CNBD1: variants seen among roughly 807,000 people sequenced by gnomAD.
The protein encoded by CNBD1 is cyclic nucleotide binding domain containing 1, also known as cyclic nucleotide-binding domain-containing protein 1.
CNBD1 carries 71 observed loss-of-function variants against 54.4 expected under a neutral mutation model. That is an observed-to-expected ratio of 1.30 (90% CI 1.08 to 1.59). CNBD1 has a LOEUF of 1.59. Among genes scored for constraint, CNBD1 ranks in the 40% most tolerant of loss-of-function variants. The pLI, the probability that CNBD1 is intolerant of heterozygous loss-of-function variation, is 0.00. For missense variants in CNBD1, 659 were observed against 518.0 expected (o/e 1.27, Z -2.64); for synonymous variants, 182 against 170.7 (o/e 1.07, Z -0.51).
intron 4 of CNBD1, among the ~76,000 whole-genome samples, chr8:87,061,627 T>C (rs1810550007): frequency 6.6e-6 from 1 of 152,186 alleles, no homozygotes; most frequent in Non-Finnish European, 1.5e-5. Context: ...CATTCTGAGA[T>C]TTGTTTAAGA....
At chr8:87,012,798 G>A (rs917863329) in intron 4 of CNBD1, among the ~76,000 whole-genome samples, 1 of 152,070 alleles carries the variant, frequency 6.6e-6, no homozygotes, top group African/African-American at 2.4e-5. Flanking sequence ...CTATAGCCTG[G>A]AAGCCCCCAC....
In CNBD1 at chr8:87,163,725, T is replaced by G. The variant is rs1019955902; in HGVS notation, c.432-42268T>G. On this transcript the variant is annotated intron_variant, in intron 4 of 10. Transcript: ENST00000518476. This position sits in a 1 kb window ranked among gnomAD's most constrained non-coding sequence, Gnocchi z 4.5. ...AGTTTTTTTGTTGGCGTCTTTAGGG[T>G]TTTTTTTAAATATAAGATTATGTCA... 6.6e-6 allele frequency among the ~76,000 whole-genome samples: 1 copy of G among 151,608 alleles called. No individual in the cohort carries two copies. The highest frequency in any genetic ancestry group is 2.4e-5 in the African/African-American group (1 of 41,330).
chr8:87,007,863 CTG>C (rs1325865348), intron 4 of CNBD1, among the ~76,000 whole-genome samples: 1 of 151,992 alleles, frequency 6.6e-6, no homozygotes, highest in Non-Finnish European at 1.5e-5. Flanking sequence ...GATTGATTTA[CTG>C]TTTTTTGTCC....
At chr8:87,154,896 T>A (rs1354577084) in intron 4 of CNBD1, among the ~76,000 whole-genome samples, 1 of 152,002 alleles carries the variant, frequency 6.6e-6, no homozygotes, top group African/African-American at 2.4e-5. Flanking sequence ...CCAACTTTAC[T>A]CACTCCACGC....
rs1271095281 is a variant in CNBD1 at position 86,917,820 on chromosome 8, G to GA, written c.272+12631dup. Among the ~76,000 whole-genome samples the GA allele has an allele frequency of 7.9e-5, 12 of 151,958 alleles. No homozygotes were observed. In the East Asian group the frequency reaches 2.1e-3, roughly 27 times the overall value. ...CCAACACACACCCAAACCAAGTCCAGAAAAAGATATGAAATTTACAGAAAA... is the reference window on the plus strand; with the variant it reads ...CCAACACACACCCAAACCAAGTCCAGAAAAAAGATATGAAATTTACAGAAAA... On this transcript the variant is annotated intron_variant, in intron 3 of 10. Coordinates refer to ENST00000518476, the MANE Select transcript of CNBD1 (RefSeq NM_173538.3).
intron 5 of CNBD1, among the ~76,000 whole-genome samples, chr8:87,207,374 G>A (rs1308423825): frequency 6.6e-6 from 1 of 151,828 alleles, no homozygotes. Context: ...TATTGATATG[G>A]AAACATTAAA....
At chr8:86,955,359 G>A (rs1434599170) in intron 4 of CNBD1, among the ~76,000 whole-genome samples, 1 of 152,136 alleles carries the variant, frequency 6.6e-6, no homozygotes, top group African/African-American at 2.4e-5. Context: ...GTAATGGGAT[G>A]CCTGGGTCAA....
At chr8:87,208,125 A>G (rs568337319) in intron 5 of CNBD1, among the ~76,000 whole-genome samples, 3 of 152,132 alleles carry the variant, frequency 2.0e-5, no homozygotes, top group Non-Finnish European at 2.9e-5. Context: ...CTGACTTTCA[A>G]TCTGCTGCTG....
chr8:87,346,302 A>T (rs1459758506), intron 8 of CNBD1, among the ~76,000 whole-genome samples: 2 of 152,180 alleles, frequency 1.3e-5, no homozygotes, highest in Non-Finnish European at 2.9e-5. Flanking sequence ...TCAGCCTCCC[A>T]AAGTGCTGGT....
chr8:87,236,439 C>T (rs1807585793), intron 5 of CNBD1, among the ~76,000 whole-genome samples: 1 of 151,910 alleles, frequency 6.6e-6, no homozygotes, highest in Admixed American at 6.6e-5. Flanking sequence ...CAAACTGTCT[C>T]CATTATTAAG....
chr8:87,147,704 A>AT (rs962866913), intron 4 of CNBD1, among the ~76,000 whole-genome samples: 2 of 152,112 alleles, frequency 1.3e-5, no homozygotes, highest in African/African-American at 2.4e-5. Context: ...GATTTAGCCT[A>AT]TTTTTTTAGT....
At chr8:87,428,154 GAA>G (rs112391540) in intron 2 of CNBD1, among the ~76,000 whole-genome samples, 1 of 138,718 alleles carries the variant, frequency 7.2e-6, no homozygotes, top group African/African-American at 2.6e-5. Context: ...GGCAAAAAAA[GAA>G]AAAAAAAAAG....
chr8:87,379,985 C>T (rs1206699856), intron 10 of CNBD1, among the ~76,000 whole-genome samples: 6 of 148,458 alleles, frequency 4.0e-5, no homozygotes, highest in Non-Finnish European at 7.4e-5. Context: ...TAGATTATGA[C>T]AAAAATTTCA....
In CNBD1 at chr8:86,927,190, G is replaced by A. The variant is rs543523401; in HGVS notation, c.273-12406G>A. 7.9e-5 allele frequency among the ~76,000 whole-genome samples: 12 copies of A among 152,264 alleles called. No homozygotes were observed. In the East Asian group the frequency reaches 2.3e-3, roughly 29 times the overall value. On this transcript the variant is annotated intron_variant, in intron 3 of 10. Transcript: ENST00000518476. Reference sequence around the variant, plus strand: ...TAGCTCTGGTGAGCAGCTGGAAAGGGGTGTTGGGAGCAAACTGAGTGGCTC... The same window carrying A: ...TAGCTCTGGTGAGCAGCTGGAAAGGAGTGTTGGGAGCAAACTGAGTGGCTC...
chr8:86,975,348 AC>A (rs1808317193), intron 4 of CNBD1, among the ~76,000 whole-genome samples: 1 of 151,958 alleles, frequency 6.6e-6, no homozygotes, highest in South Asian at 2.1e-4. Flanking sequence ...GAAATTTTGT[AC>A]CCTTTGATCA....
chr8:87,367,550 G>A (rs34876897), intron 10 of CNBD1, among the ~76,000 whole-genome samples: 6 of 151,984 alleles, frequency 3.9e-5, no homozygotes, highest in African/African-American at 7.2e-5. Context: ...AAATTGGTAC[G>A]TTGTTATGAG....
At chr8:87,268,513 T>C (rs1184353881) in intron 6 of CNBD1, among the ~76,000 whole-genome samples, 3 of 152,040 alleles carry the variant, frequency 2.0e-5, no homozygotes, top group Admixed American at 6.6e-5. Context: ...TTTAAGTTCA[T>C]TGAGGAATCC....
At chr8:87,255,839 A>T (rs1450855029) in intron 6 of CNBD1, among the ~76,000 whole-genome samples, 1 of 149,868 alleles carries the variant, frequency 6.7e-6, no homozygotes, top group Non-Finnish European at 1.5e-5. Flanking sequence ...TAGGGTAATT[A>T]TGAGAATTCA....
chr8:87,337,461 A>G (rs888865014), intron 8 of CNBD1, among the ~76,000 whole-genome samples: 1 of 152,140 alleles, frequency 6.6e-6, no homozygotes, highest in African/African-American at 2.4e-5. Flanking sequence ...CCCTCCCCCA[A>G]GGAGCTCAGA....
Sources: allele counts gnomAD v4.1 joint callset (sites outside exome capture counted in the v4.1 genomes callset), GRCh38; gene constraint gnomAD v4.1.1; non-coding constraint Gnocchi (gnomAD v3.1); transcripts MANE v1.5; gene names NCBI Gene and HGNC (gene_info 2026-07-23, HGNC 2026-07-21).